SNTG1: variants seen among roughly 807,000 people sequenced by gnomAD.
SNTG1 encodes the protein gamma-1-syntrophin.
SNTG1 carries 39 observed loss-of-function variants against 74.7 expected under a neutral mutation model. The observed-to-expected ratio is 0.52, with a 90% CI of 0.40 to 0.68. SNTG1 has a LOEUF of 0.68. SNTG1 is among the 30% of genes least tolerant of loss of function. The pLI, the probability that SNTG1 is intolerant of heterozygous loss-of-function variation, is 0.00. For missense variants in SNTG1, 685 were observed against 609.5 expected, an observed-to-expected ratio of 1.12 and a Z score of -1.30; for synonymous variants, 254 against 217.1, an observed-to-expected ratio of 1.17 and a Z score of -1.49.
chr8:50,090,984 G>A (rs1332064044), intron 1 of SNTG1, among the ~76,000 whole-genome samples: 1 of 152,092 alleles, frequency 6.6e-6, no homozygotes, highest in Non-Finnish European at 1.5e-5. Context: ...CTGGAAGATG[G>A]TAAAGAGATG....
intron 8 of SNTG1, among the ~76,000 whole-genome samples, chr8:50,472,051 A>G (rs2093657962): frequency 6.6e-6 from 1 of 152,206 alleles, no homozygotes; most frequent in African/African-American, 2.4e-5. Flanking sequence ...TAAAGAAAGT[A>G]CAAGTAAATG....
At chr8:50,356,347 C>T (rs1417817347) in intron 2 of SNTG1, among the ~76,000 whole-genome samples, 1 of 152,084 alleles carries the variant, frequency 6.6e-6, no homozygotes, top group African/African-American at 2.4e-5. Flanking sequence ...GGGTGCCTCA[C>T]AGTACTGTTG....
chr8:49,984,908 A>G (rs1031912506), intron 1 of SNTG1, among the ~76,000 whole-genome samples: 4 of 152,206 alleles, frequency 2.6e-5, no homozygotes, highest in Non-Finnish European at 4.4e-5. Flanking sequence ...CATCTGTATC[A>G]TAAAGCAATC....
intron 1 of SNTG1, among the ~76,000 whole-genome samples, chr8:50,096,921 C>T (rs2079949797): frequency 6.6e-6 from 1 of 152,064 alleles, no homozygotes; most frequent in South Asian, 2.1e-4. Context: ...GTAGCATAAT[C>T]ACTGCAGGAA....
At chr8:50,701,585 C>CTT (rs1554615991) in intron 15 of SNTG1, among the ~76,000 whole-genome samples, 16,634 of 129,376 alleles carry the variant, frequency 0.13, 3,534 homozygotes, top group African/African-American at 0.41. Context: ...CCTTTTTCTT[C>CTT]CTCTTCTTCT....
At chr8:50,399,324 T>C (rs956525511) in intron 3 of SNTG1, among the ~76,000 whole-genome samples, 2 of 152,212 alleles carry the variant, frequency 1.3e-5, no homozygotes, top group African/African-American at 4.8e-5. Context: ...AAGACTGTAT[T>C]CTGTTTTCCA....
At chr8:50,607,463 A>G (rs1425369665) in intron 13 of SNTG1, among the ~76,000 whole-genome samples, 1 of 151,632 alleles carries the variant, frequency 6.6e-6, no homozygotes, top group African/African-American at 2.4e-5. Context: ...CTAGGAATTC[A>G]TGCATTTCAT....
In SNTG1 at chr8:50,394,160, C is replaced by T. The variant is rs2092698320; in HGVS notation, c.-27-52C>T. 4.1e-6 allele frequency: 6 copies of T among 1,450,346 alleles called. No homozygotes were observed. The Admixed American group carries it at 5.6e-5, about 13-fold the overall frequency. 89.8% of individuals were successfully genotyped at this position (1,450,346 alleles called of 1,614,324 possible). On this transcript the variant is annotated intron_variant, in intron 2 of 18. Transcript: ENST00000642720. ...ATTTCCTCCACTATATTAGTGTTCT[C>T]TCTTACATGCCATGCTGTGCCTAAT...
At chr8:49,938,582 C>CT (rs1369224944) in intron 1 of SNTG1, among the ~76,000 whole-genome samples, 1 of 19,116 alleles carries the variant, frequency 5.2e-5, no homozygotes, top group South Asian at 6.3e-3. Context: ...CTTTTCTTTT[C>CT]TTTTCTTTTC....
chr8:50,401,632 T>G (rs1223921748), intron 3 of SNTG1, among the ~76,000 whole-genome samples: 1 of 152,156 alleles, frequency 6.6e-6, no homozygotes, highest in African/African-American at 2.4e-5. Context: ...TGCAAGTCTG[T>G]GCATGTGTGT....
intron 17 of SNTG1, among the ~76,000 whole-genome samples, chr8:50,745,353 A>T (rs1243261749): frequency 6.6e-6 from 1 of 151,982 alleles, no homozygotes; most frequent in Admixed American, 6.6e-5. Flanking sequence ...TTACCACTTT[A>T]CATTCATTGG....
chr8:50,078,316 A>G (rs1243055832), intron 1 of SNTG1, among the ~76,000 whole-genome samples: 1 of 152,162 alleles, frequency 6.6e-6, no homozygotes, highest in Non-Finnish European at 1.5e-5. Flanking sequence ...AATGACAGTT[A>G]GGCTTTTATA....
At chr8:50,619,683 A>T (rs1363471368) in intron 13 of SNTG1, among the ~76,000 whole-genome samples, 1 of 149,692 alleles carries the variant, frequency 6.7e-6, no homozygotes, top group Non-Finnish European at 1.5e-5. Context: ...GTGAGCCGAG[A>T]TCGTGCCACT....
At chr8:50,083,420 TA>T (rs1371957281) in intron 1 of SNTG1, among the ~76,000 whole-genome samples, 1 of 152,186 alleles carries the variant, frequency 6.6e-6, no homozygotes, top group Admixed American at 6.5e-5. Flanking sequence ...TTTGCACCCA[TA>T]AATTATCTTG....
intron 8 of SNTG1, among the ~76,000 whole-genome samples, chr8:50,496,981 G>GAAAAAAAAAA (rs34727478): frequency 6.8e-6 from 1 of 147,262 alleles, no homozygotes; most frequent in Non-Finnish European, 1.5e-5. Context: ...AAGAAAAATT[G>GAAAAAAAAAA]AAAAAAAAAA....
chr8:50,332,226 T>C (rs2130884131), intron 2 of SNTG1, among the ~76,000 whole-genome samples: 1 of 152,358 alleles, frequency 6.6e-6, no homozygotes, highest in East Asian at 1.9e-4. Context: ...GTTTATGACA[T>C]ACATATTATT....
chr8:50,247,625 C>T (rs2086458499), intron 2 of SNTG1, among the ~76,000 whole-genome samples: 1 of 152,036 alleles, frequency 6.6e-6, no homozygotes, highest in Non-Finnish European at 1.5e-5. Flanking sequence ...CCTGCCTCAG[C>T]CTCCTGAGTA....
intron 8 of SNTG1, among the ~76,000 whole-genome samples, chr8:50,500,795 G>C (rs188391537): frequency 6.6e-6 from 1 of 152,208 alleles, no homozygotes; most frequent in African/African-American, 2.4e-5. Flanking sequence ...GGCACCCACT[G>C]TTCCCTGCTG....
intron 15 of SNTG1, among the ~76,000 whole-genome samples, chr8:50,679,381 C>A (rs2095322421): frequency 6.6e-6 from 1 of 152,068 alleles, no homozygotes; most frequent in African/African-American, 2.4e-5. Context: ...TCAACAATAT[C>A]TCAATGGTAT....
Sources: gnomAD v4.1 joint callset for allele counts (sites outside exome capture counted in the v4.1 genomes callset) on GRCh38, gnomAD v4.1.1 for gene constraint, MANE v1.5 for transcripts, NCBI Gene and HGNC (gene_info 2026-07-23, HGNC 2026-07-21) for gene names.